Variants in ACOT13 observed in about 807,000 individuals in gnomAD.
ACOT13 encodes the protein acyl-CoA thioesterase 13, also known as acyl-coenzyme A thioesterase 13.
In ACOT13, 10 loss-of-function variants were observed where a neutral mutation model predicts 11.8. The ratio of observed to expected loss-of-function variants is 0.85; its 90% confidence interval spans 0.53 to 1.44. The LOEUF (loss-of-function observed/expected upper bound fraction) is 1.44, where lower values mean the gene tolerates loss of function less well. ACOT13 is among the 40% of genes most tolerant of loss of function. The pLI, the probability that ACOT13 is intolerant of heterozygous loss-of-function variation, is 0.00. For missense variants in ACOT13, 172 were observed against 174.1 expected (o/e 0.99, Z 0.07); for synonymous variants, 53 against 61.0 (o/e 0.87, Z 0.61).
At chr6:24,667,369 C>T (rs898017829) in intron 1 of ACOT13, 25 bp downstream of exon 1, 12 of 1,609,408 alleles carry the variant, frequency 7.5e-6, no homozygotes, top group South Asian at 3.3e-5. Flanking sequence ...GGGGAGAAGC[C>T]GTGGCTTCTA....
Position 24,702,389 on chromosome 6 carries a change from G to A in ACOT13, c.*774G>A, listed in dbSNP as rs1372762260. On this transcript the variant is annotated 3_prime_UTR_variant, in exon 3 of 3. Transcript: ENST00000230048. The stretch of plus-strand genomic sequence containing the variant: ...GCCCCCCAAAGTGCTGGGATTACAG[G>A]TGTGAGCCAATGTGCCCAGCCTGGG... 1.3e-5 allele frequency: 2 copies of A among 152,210 alleles called. No individual in the cohort carries two copies. Among genetic ancestry groups the A allele is most frequent in the South Asian group, 4.1e-4 (2 of 4,820 alleles). 9.4% of individuals were successfully genotyped at this position (152,210 alleles called of 1,614,324 possible). A position where few individuals can be genotyped will look rare whatever the true frequency, so the allele number is the denominator to read the frequency against.
chr6:24,669,492 C>T lies in ACOT13; in HGVS notation c.81+2148C>T, dbSNP rs550699020. 2.6e-5 allele frequency among the ~76,000 whole-genome samples: 4 copies of T among 152,240 alleles called. No homozygotes were observed. In the South Asian group the frequency reaches 6.2e-4, roughly 24 times the overall value. ...TTAAGTAGTTCCTAGCTTGAATTTT[C>T]CTTTTAACTTAGTGATTTGGGGGCC... On this transcript the variant is annotated intron_variant, in intron 1 of 2. Coordinates refer to ENST00000230048, the MANE Select transcript of ACOT13 (RefSeq NM_018473.4).
chr6:24,670,323 A>G (rs561137914), intron 1 of ACOT13, among the ~76,000 whole-genome samples: 28 of 152,358 alleles, frequency 1.8e-4, no homozygotes, highest in African/African-American at 6.5e-4. Flanking sequence ...GATTTGTACC[A>G]TCAAATACCT....
chr6:24,687,253 GTC>G (rs1344110391), intron 1 of ACOT13: 16 of 180,946 alleles, frequency 8.8e-5, no homozygotes, highest in Non-Finnish European at 1.1e-5. Context: ...TCTACTTTCT[GTC>G]TCTATGAACT....
intron 1 of ACOT13, among the ~76,000 whole-genome samples, chr6:24,697,626 T>C (rs1436143608): frequency 1.3e-5 from 2 of 152,230 alleles, no homozygotes; most frequent in Non-Finnish European, 2.9e-5. Context: ...TACATATGAC[T>C]GAAAAGCTCA....
At chr6:24,699,427 G>A (rs539705746) in intron 2 of ACOT13, among the ~76,000 whole-genome samples, 4 of 152,264 alleles carry the variant, frequency 2.6e-5, no homozygotes, top group East Asian at 3.9e-4. Flanking sequence ...AGCCAGGCTG[G>A]TCTCGATCTC....
At chr6:24,697,226 G>T (rs1162715763) in intron 1 of ACOT13, among the ~76,000 whole-genome samples, 2 of 152,124 alleles carry the variant, frequency 1.3e-5, no homozygotes, top group Admixed American at 6.5e-5. Flanking sequence ...ACTAACATGG[G>T]TTTATAGTAT....
chr6:24,694,207 TC>T (rs1435903472), intron 1 of ACOT13, among the ~76,000 whole-genome samples: 1 of 152,198 alleles, frequency 6.6e-6, no homozygotes, highest in Non-Finnish European at 1.5e-5. Flanking sequence ...ACCTGCAGGA[TC>T]CTGGGACTGA....
At chr6:24,695,094 A>G (rs1778773729) in intron 1 of ACOT13, among the ~76,000 whole-genome samples, 1 of 152,150 alleles carries the variant, frequency 6.6e-6, no homozygotes, top group Non-Finnish European at 1.5e-5. Context: ...GGATCACCTG[A>G]GGTCAAGAGT....
chr6:24,682,478 T>A (rs1778567144), intron 1 of ACOT13, among the ~76,000 whole-genome samples: 1 of 152,210 alleles, frequency 6.6e-6, no homozygotes, highest in African/African-American at 2.4e-5. Context: ...TTAGAAGACA[T>A]GGGTCACGGA....
At chr6:24,694,861 C>A (rs1778770305) in intron 1 of ACOT13, among the ~76,000 whole-genome samples, 1 of 152,134 alleles carries the variant, frequency 6.6e-6, no homozygotes, top group African/African-American at 2.4e-5. Flanking sequence ...TTAGTATGTC[C>A]TTTGGCCTTT....
intron 1 of ACOT13, among the ~76,000 whole-genome samples, chr6:24,680,105 G>T (rs1254337417): frequency 6.6e-6 from 1 of 152,160 alleles, no homozygotes; most frequent in Admixed American, 6.5e-5. Context: ...CAGACTCTGA[G>T]GGCTTCCTGT....
intron 1 of ACOT13, among the ~76,000 whole-genome samples, chr6:24,688,537 C>CT: frequency 8.5e-6 from 1 of 117,244 alleles, no homozygotes; most frequent in Non-Finnish European, 1.7e-5. Flanking sequence ...GAGACCCTGT[C>CT]TCAAAAAAAA....
intron 1 of ACOT13, among the ~76,000 whole-genome samples, chr6:24,681,375 G>T (rs996567105): frequency 1.3e-5 from 2 of 152,168 alleles, no homozygotes; most frequent in Non-Finnish European, 2.9e-5. Context: ...GTGCTTTTGG[G>T]CTACGCCCTT....
intron 1 of ACOT13, among the ~76,000 whole-genome samples, chr6:24,694,528 A>G (rs1778765668): frequency 6.6e-6 from 1 of 152,210 alleles, no homozygotes; most frequent in Non-Finnish European, 1.5e-5. Context: ...GGAGTTAGCT[A>G]TGTTGATATA....
rs1386577205 is a variant in ACOT13, at chr6:24,697,974, G to A, written c.173G>A (p.Gly58Asp). ...AATGCAATAGGCACTCTCCACGGCG[G>A]TTTGACAGCCACGTTAGTAGATAAC... ...HTNAIGTLHG[G>D]LTATLVDNIS... Residue 58 changes from glycine (G) to aspartate (D), a missense_variant, in exon 2 of 3, where the codon GGT becomes GAT. Transcript: ENST00000230048. The A allele has an allele frequency of 6.2e-7, 1 of 1,613,924 alleles. No homozygotes were observed.
chr6:24,683,452 G>A (rs1336716169), intron 1 of ACOT13, among the ~76,000 whole-genome samples: 1 of 151,982 alleles, frequency 6.6e-6, no homozygotes, highest in Non-Finnish European at 1.5e-5. Context: ...CATGAAAATC[G>A]CTTGCACCAA....
intron 1 of ACOT13, among the ~76,000 whole-genome samples, chr6:24,676,623 C>G (rs1225029513): frequency 6.6e-6 from 1 of 152,102 alleles, no homozygotes; most frequent in Non-Finnish European, 1.5e-5. Context: ...AGATTTTGGG[C>G]TGAGATGATG....
intron 1 of ACOT13, among the ~76,000 whole-genome samples, chr6:24,672,376 C>T (rs1778379212): frequency 6.6e-6 from 1 of 152,232 alleles, no homozygotes; most frequent in Non-Finnish European, 1.5e-5. Context: ...CGTGGTGGCT[C>T]ACGCCTATAA....
Sources: allele counts gnomAD v4.1 joint callset (sites outside exome capture counted in the v4.1 genomes callset), GRCh38; gene constraint gnomAD v4.1.1; transcripts MANE v1.5; gene names NCBI Gene and HGNC (gene_info 2026-07-23, HGNC 2026-07-21).